Variants in SCN10A observed in about 807,000 individuals in gnomAD.
The protein encoded by SCN10A is sodium channel protein type 10 subunit alpha.
A neutral mutation model predicts 170.7 loss-of-function variants in SCN10A; 162 were observed. That is an observed-to-expected ratio of 0.95 (90% CI 0.84 to 1.08). The LOEUF (loss-of-function observed/expected upper bound fraction) is 1.08. Ranked by LOEUF, SCN10A falls within the 50% of genes least tolerant of loss-of-function variation. SCN10A has a pLI of 0.00. For missense variants in SCN10A, 2,527 were observed against 2,436.9 expected (o/e 1.04, Z -0.78); for synonymous variants, 985 against 904.6 (o/e 1.09, Z -1.59).
chr3:38,726,871 G>A lies in SCN10A; in HGVS notation c.2822C>T (p.Pro941Leu). Reference sequence around the variant, plus strand: ...CACCACCAGCTCAGGCTCTGCCTTGGGCTGGGGGAATGGGCAGGACCTGCT... The same window carrying A: ...CACCACCAGCTCAGGCTCTGCCTTGAGCTGGGGGAATGGGCAGGACCTGCT... ...FFSRSCPFPQ[P>L]KAEPELVVKL... The change falls in exon 17 of 28, where the codon CCC (proline) becomes CTC (leucine). Residue 941 changes from proline (P) to leucine (L), a missense_variant. Coordinates refer to ENST00000449082, the MANE Select transcript of SCN10A (RefSeq NM_006514.4). 1.2e-6 allele frequency: 2 copies of A among 1,614,236 alleles called. No homozygotes were observed. Among genetic ancestry groups the A allele is most frequent in the Non-Finnish European group, 1.7e-6 (2 of 1,180,046 alleles).
At chr3:38,763,812 C>G (rs1046896751) in intron 5 of SCN10A, among the ~76,000 whole-genome samples, 14 of 152,202 alleles carry the variant, frequency 9.2e-5, no homozygotes, top group African/African-American at 1.9e-4. Context: ...GCATTGTGAT[C>G]TAGGCAACAC....
rs541813611 is a variant in SCN10A at position 38,742,380 on chromosome 3, A to G, written c.2017T>C (p.Leu673=). The change falls in exon 14 of 28, where the codon TTG becomes CTG. Residue 673 remains leucine, a synonymous_variant. Coordinates refer to ENST00000449082, the MANE Select transcript of SCN10A (RefSeq NM_006514.4). ...AAGATGGTGTTCACCACGATGCACAAGGTGATGGTGAGCTCTGCAAAGGGA... is the reference window on the plus strand; with the variant it reads ...AAGATGGTGTTCACCACGATGCACAGGGTGATGGTGAGCTCTGCAAAGGGA... ...TDPFAELTIT[L]CIVVNTIFMA... is the part of the protein sequence containing the mutation. 15 of 1,614,186 alleles carry G rather than the reference A, an allele frequency of 9.3e-6. No homozygotes were observed. Among genetic ancestry groups the G allele is most frequent in the South Asian group, 8.8e-5 (8 of 91,086 alleles).
chr3:38,708,296 A>G (rs974157697), intron 25 of SCN10A, among the ~76,000 whole-genome samples: 32 of 152,262 alleles, frequency 2.1e-4, no homozygotes, highest in African/African-American at 7.7e-4. Flanking sequence ...CAGTAGATGC[A>G]GTTTCTCAGT....
chr3:38,759,364 C>T (rs530501593), intron 8 of SCN10A, among the ~76,000 whole-genome samples: 2 of 152,074 alleles, frequency 1.3e-5, no homozygotes, highest in Non-Finnish European at 2.9e-5. Flanking sequence ...TTCTGTTCTG[C>T]CACCTGGAAT....
In SCN10A at chr3:38,697,072, A is replaced by G. The variant is rs887557133; in HGVS notation, c.*277T>C. On this transcript the variant is annotated 3_prime_UTR_variant, in exon 28 of 28. Transcript: ENST00000449082. ...ATCTGATTACAACAAAAATAAAAGGACAAGGGATATTTTCTGGAGAGTAAG... is the reference window on the plus strand; with the variant it reads ...ATCTGATTACAACAAAAATAAAAGGGCAAGGGATATTTTCTGGAGAGTAAG... 5.8e-5 allele frequency: 27 copies of G among 467,882 alleles called. No individual in the cohort carries two copies. The highest frequency in any genetic ancestry group is 5.2e-4 in the African/African-American group (27 of 51,676). The allele number at this position is 467,882 out of a possible 1,614,324, so 29.0% of individuals were successfully genotyped here.
chr3:38,735,922 A>G (rs1245631791), intron 15 of SCN10A, among the ~76,000 whole-genome samples: 1 of 152,214 alleles, frequency 6.6e-6, no homozygotes, highest in East Asian at 1.9e-4. Flanking sequence ...ATAAAACGGT[A>G]GACAAGAAAC....
chr3:38,787,801 C>T (rs2064225782), intron 4 of SCN10A, among the ~76,000 whole-genome samples: 1 of 152,000 alleles, frequency 6.6e-6, no homozygotes, highest in Non-Finnish European at 1.5e-5. Context: ...AGGTATTTCT[C>T]CTAATGCTAT....
intron 20 of SCN10A, among the ~76,000 whole-genome samples, chr3:38,721,904 G>A (rs530422724): frequency 2.0e-5 from 3 of 152,336 alleles, no homozygotes; most frequent in Admixed American, 6.5e-5. Context: ...AGGGGCTTCG[G>A]GATTAAATAA....
intron 25 of SCN10A, among the ~76,000 whole-genome samples, chr3:38,709,225 C>G (rs983789674): frequency 6.6e-6 from 1 of 152,178 alleles, no homozygotes; most frequent in African/African-American, 2.4e-5. Flanking sequence ...TCTAACACAC[C>G]TGGTTCCAGT....
At chr3:38,725,435 G>A (rs1371433509) in intron 17 of SCN10A, 121 bp from the exon 18 acceptor site, 15 of 835,224 alleles carry the variant, frequency 1.8e-5, no homozygotes, top group Non-Finnish European at 2.5e-5. Context: ...TGCAACTCAT[G>A]TACATACATA....
chr3:38,785,268 T>C (rs1248056070), intron 4 of SCN10A, among the ~76,000 whole-genome samples: 1 of 152,182 alleles, frequency 6.6e-6, no homozygotes, highest in African/African-American at 2.4e-5. Context: ...AGCGAGGTAC[T>C]GGTACCAAAA....
rs758898721 is a variant in SCN10A at position 38,756,712 on chromosome 3, ACTT to A, written c.1249_1251del (p.Lys417del). The A allele has an allele frequency of 9.8e-4, 1,585 of 1,614,050 alleles. 2 individuals carry two copies. Among genetic ancestry groups the A allele is most frequent in the Middle Eastern group, 1.6e-3 (10 of 6,062 alleles). ...CGGAGCATCTCGAGGGCCTCCTGGAACTTCTTCTCCTTTGCTTCAATTTCATCA... is the reference window on the plus strand; with the variant it reads ...CGGAGCATCTCGAGGGCCTCCTGGAACTTCTCCTTTGCTTCAATTTCATCA... On this transcript the variant is annotated inframe_deletion, in exon 10 of 28. Transcript: ENST00000449082.
At chr3:38,793,160 C>T (rs756217888) in intron 2 of SCN10A, among the ~76,000 whole-genome samples, 4 of 151,984 alleles carry the variant, frequency 2.6e-5, no homozygotes, top group Admixed American at 6.6e-5. Flanking sequence ...GCACACATTC[C>T]AGTAGCTTTT....
chr3:38,793,591 G>GATAT, intron 2 of SCN10A, 150 bp downstream of exon 2: 1 of 601,616 alleles, frequency 1.7e-6, no homozygotes, highest in Non-Finnish European at 2.9e-6. Flanking sequence ...AAATAAGTTA[G>GATAT]AGATATATAT....
At chr3:38,701,313 A>G (rs1271003838) in intron 27 of SCN10A, among the ~76,000 whole-genome samples, 2 of 152,182 alleles carry the variant, frequency 1.3e-5, no homozygotes, top group Admixed American at 1.3e-4. Context: ...TCTATCACTC[A>G]TGTTCCCTAA....
rs774383876 is a variant in SCN10A at position 38,702,069 on chromosome 3, T to A, written c.4427A>T (p.Gln1476Leu). 3 of 1,584,194 alleles carry A rather than the reference T, an allele frequency of 1.9e-6. No homozygotes were observed. The South Asian group carries it at 3.5e-5, about 18-fold the overall frequency. Reference sequence around the variant, plus strand: ...GACCATGATGGTGATGTCAAAAGCTTGTCTGGTCACGATGTCAAAGACAAA... The same window carrying A: ...GACCATGATGGTGATGTCAAAAGCTAGTCTGGTCACGATGTCAAAGACAAA... ...QGFVFDIVTRQAFDITIMVLI... is the reference protein window; with the variant it reads ...QGFVFDIVTRLAFDITIMVLI... Residue 1476 changes from glutamine to leucine, a missense_variant, in exon 27 of 28, where the codon CAA (glutamine) becomes CTA (leucine). Transcript: ENST00000449082.
chr3:38,812,802 A>G (rs1228029677), intron 1 of SCN10A, among the ~76,000 whole-genome samples: 2 of 152,072 alleles, frequency 1.3e-5, no homozygotes, highest in East Asian at 3.9e-4. Flanking sequence ...GGGAGGCTGC[A>G]GTAGGAGGAC....
At chr3:38,727,256 T>C (rs1046587860) in intron 16 of SCN10A, among the ~76,000 whole-genome samples, 1 of 152,134 alleles carries the variant, frequency 6.6e-6, no homozygotes, top group Non-Finnish European at 1.5e-5. Flanking sequence ...CCCGCCTCAG[T>C]GGACGAGGCT....
chr3:38,754,920 C>G (rs1000311872), intron 11 of SCN10A, among the ~76,000 whole-genome samples: 2 of 152,146 alleles, frequency 1.3e-5, no homozygotes, highest in Non-Finnish European at 2.9e-5. Flanking sequence ...CCCTCCCACA[C>G]AGCAGATATT....
Sources: gnomAD v4.1 joint callset for allele counts (sites outside exome capture counted in the v4.1 genomes callset) on GRCh38, gnomAD v4.1.1 for gene constraint, MANE v1.5 for transcripts, NCBI Gene and HGNC (gene_info 2026-07-23, HGNC 2026-07-21) for gene names.